Variants in PPP1R12B observed in about 807,000 individuals in gnomAD.
PPP1R12B encodes myosin phosphatase target subunit 2.
Under a neutral mutation model 126.1 loss-of-function variants are expected in PPP1R12B, and 76 were observed. The observed-to-expected ratio is 0.60, with a 90% CI of 0.50 to 0.73. PPP1R12B has a LOEUF of 0.73. Among genes scored for constraint, PPP1R12B ranks in the 30% least tolerant of loss-of-function variants. The pLI, the probability that PPP1R12B is intolerant of heterozygous loss-of-function variation, is 0.00. For missense variants in PPP1R12B, 1,052 were observed against 1,205.1 expected (o/e 0.87, Z 1.88); for synonymous variants, 356 against 434.7 (o/e 0.82, Z 2.25).
At chr1:202,512,553 A>G (rs1681650148) in intron 18 of PPP1R12B, among the ~76,000 whole-genome samples, 1 of 152,172 alleles carries the variant, frequency 6.6e-6, no homozygotes, top group African/African-American at 2.4e-5. Flanking sequence ...TGAGCTCTGA[A>G]AGTTCTTTAA....
rs537026371 is a variant in PPP1R12B, at chr1:202,499,334, G to A, written c.2490+2512G>A. Among the ~76,000 whole-genome samples the A allele has an allele frequency of 1.1e-3, 165 of 152,026 alleles. 1 individual carries two copies. The highest frequency in any genetic ancestry group is 3.4e-3 in the Middle Eastern group (1 of 294). ...CAGTGATGTAGTCATGGCTCACTGC[G>A]GCCTCAACCTCCCAGGCTCAAGTGA... is the stretch of plus-strand genomic sequence containing the variant. On this transcript the variant is annotated intron_variant, in intron 18 of 23. Transcript: ENST00000608999.
chr1:202,410,252 T>G (rs750776009), intron 1 of PPP1R12B: 24 of 152,230 alleles, frequency 1.6e-4, no homozygotes, highest in Non-Finnish European at 3.1e-4. Context: ...GACTGCCTTT[T>G]TACTCTTTTG....
chr1:202,446,482 A>G (rs992360659), intron 12 of PPP1R12B, among the ~76,000 whole-genome samples: 4 of 148,582 alleles, frequency 2.7e-5, no homozygotes, highest in Non-Finnish European at 4.5e-5. Flanking sequence ...GATGATCTCT[A>G]TCTCCTGACC....
intron 1 of PPP1R12B, among the ~76,000 whole-genome samples, chr1:202,353,861 C>A (rs562364507): frequency 2.1e-4 from 32 of 152,172 alleles, no homozygotes; most frequent in African/African-American, 5.8e-4. Context: ...AATCCTCCCC[C>A]CTCGGCCTCC....
intron 18 of PPP1R12B, chr1:202,502,938 C>A (rs6427950): frequency 0.43 from 65,930 of 151,942 alleles, 15,652 homozygotes; most frequent in East Asian, 0.71. Flanking sequence ...AATGTGCAAG[C>A]AGGCCAAATG....
In PPP1R12B at chr1:202,582,362, ACT is replaced by A. The variant is rs1283243884; in HGVS notation, c.*1803_*1804del. The A allele has an allele frequency of 6.6e-6, 1 of 152,666 alleles. No homozygotes were observed. The highest frequency in any genetic ancestry group is 2.4e-5 in the African/African-American group (1 of 41,462). 9.5% of individuals were successfully genotyped at this position (152,666 alleles called of 1,614,324 possible). On this transcript the variant is annotated 3_prime_UTR_variant, in exon 24 of 24. Transcript: ENST00000608999. ...TTCTTGATGATAACCTAGCATTAAT[ACT>A]TACAGTATTTTCTTTTTGTAGGAGT...
At chr1:202,504,371 C>T (rs1431373169) in intron 18 of PPP1R12B, among the ~76,000 whole-genome samples, 1 of 152,052 alleles carries the variant, frequency 6.6e-6, no homozygotes, top group Non-Finnish European at 1.5e-5. Context: ...TCAGTCTGGG[C>T]AACAGAGCGA....
At chr1:202,446,248 A>ATT (rs1684193784) in intron 12 of PPP1R12B, among the ~76,000 whole-genome samples, 1 of 60,686 alleles carries the variant, frequency 1.6e-5, no homozygotes, top group African/African-American at 8.8e-5. Context: ...ATATATATAT[A>ATT]TATATATATT....
At chr1:202,413,948 C>T (rs1226232584) in intron 1 of PPP1R12B, among the ~76,000 whole-genome samples, 1 of 151,598 alleles carries the variant, frequency 6.6e-6, no homozygotes, top group Non-Finnish European at 1.5e-5. Context: ...TTTTTTGAGA[C>T]ACAGTCTCTG....
Position 202,588,872 on chromosome 1 carries a change from T to TAGATAGATAGATAGATAGATAGATA in PPP1R12B, c.*8313_*8314insGATAGATAGATAGATAGATAGATAA, listed in dbSNP as rs111697917. 1 of 147,078 alleles carries TAGATAGATAGATAGATAGATAGATA rather than the reference T, an allele frequency of 6.8e-6. No homozygotes were observed. The highest frequency in any genetic ancestry group is 6.6e-5 in the Admixed American group (1 of 15,040). The allele number at this position is 147,078 out of a possible 1,614,324, so 9.1% of individuals were successfully genotyped here. A position where few individuals can be genotyped will look rare whatever the true frequency, so the allele number is the denominator to read the frequency against. The stretch of plus-strand genomic sequence containing the variant: ...ATAGATAGATAGATAGATAGATAGA[T>TAGATAGATAGATAGATAGATAGATA]ATCAAGGTTCCAAGCTTCAAGTAAC... On this transcript the variant is annotated 3_prime_UTR_variant, in exon 24 of 24. Coordinates refer to ENST00000608999, the MANE Select transcript of PPP1R12B (RefSeq NM_002481.4).
intron 1 of PPP1R12B, among the ~76,000 whole-genome samples, chr1:202,384,199 G>A (rs1662776163): frequency 6.6e-6 from 1 of 152,142 alleles, no homozygotes; most frequent in Admixed American, 6.5e-5. Flanking sequence ...CTGCTCCCAG[G>A]TATATATTCA....
At position 202,588,570 on chromosome 1, in the gene PPP1R12B, T is replaced by G. The variant is rs980170807; in HGVS notation, c.*8010T>G. Reference sequence around the variant, plus strand: ...TAAATAAAACTGTGTTTTAACTTTGTGACTGTCTCCACAGTTCAGAGCATG... The same window carrying G: ...TAAATAAAACTGTGTTTTAACTTTGGGACTGTCTCCACAGTTCAGAGCATG... On this transcript the variant is annotated 3_prime_UTR_variant, in exon 24 of 24. Coordinates refer to ENST00000608999, the MANE Select transcript of PPP1R12B (RefSeq NM_002481.4). The G allele has an allele frequency of 6.6e-6, 1 of 152,626 alleles. No individual in the cohort carries two copies. The highest frequency in any genetic ancestry group is 2.4e-5 in the African/African-American group (1 of 41,422). 9.5% of individuals were successfully genotyped at this position (152,626 alleles called of 1,614,324 possible).
At chr1:202,579,841 T>C (rs1476985048) in intron 23 of PPP1R12B, among the ~76,000 whole-genome samples, 2 of 152,156 alleles carry the variant, frequency 1.3e-5, no homozygotes, top group African/African-American at 4.8e-5. Flanking sequence ...GCCTCACAGC[T>C]CTGTGAGTGT....
chr1:202,435,093 C>T (rs1247072093), intron 9 of PPP1R12B, among the ~76,000 whole-genome samples: 1 of 152,104 alleles, frequency 6.6e-6, no homozygotes, highest in African/African-American at 2.4e-5. Context: ...TCTTTCTCTT[C>T]TTATAAGGTA....
intron 13 of PPP1R12B, among the ~76,000 whole-genome samples, chr1:202,452,222 G>A (rs1231434420): frequency 1.3e-5 from 2 of 152,114 alleles, no homozygotes; most frequent in Non-Finnish European, 2.9e-5. Context: ...AGGTTGTAGC[G>A]AGCCGAGATC....
intron 1 of PPP1R12B, among the ~76,000 whole-genome samples, chr1:202,409,295 A>G (rs910358968): frequency 6.6e-6 from 1 of 150,618 alleles, no homozygotes; most frequent in African/African-American, 2.4e-5. Context: ...TCCCCTGAGC[A>G]GTGCACAAGG....
At chr1:202,473,508 G>A (rs1281929338) in intron 13 of PPP1R12B, among the ~76,000 whole-genome samples, 1 of 152,192 alleles carries the variant, frequency 6.6e-6, no homozygotes, top group Non-Finnish European at 1.5e-5. Flanking sequence ...GTAGCTCAAG[G>A]GCAGATGAAA....
Position 202,417,391 on chromosome 1 carries a change from A to G in PPP1R12B, c.422+474A>G, listed in dbSNP as rs1007397687. On this transcript the variant is annotated intron_variant, in intron 2 of 23. Transcript: ENST00000608999. ...CAGAAGAATGAGCCTAAACATGTGGAACAAAGGAAAGGTGGGCACTGGCAT... is the reference window on the plus strand; with the variant it reads ...CAGAAGAATGAGCCTAAACATGTGGGACAAAGGAAAGGTGGGCACTGGCAT... 6 of 985,286 alleles carry G rather than the reference A, an allele frequency of 6.1e-6. No individual in the cohort carries two copies. The African/African-American group carries it at 7.0e-5, about 11-fold the overall frequency. 61.0% of individuals were successfully genotyped at this position (985,286 alleles called of 1,614,324 possible). A position where few individuals can be genotyped will look rare whatever the true frequency, so the allele number is the denominator to read the frequency against.
chr1:202,575,342 TGAGA>T, intron 23 of PPP1R12B: 1 of 661,894 alleles, frequency 1.5e-6, no homozygotes, highest in South Asian at 3.0e-5. Flanking sequence ...AGGGAGGCAG[TGAGA>T]GAGACCTCAG....
Sources: allele counts gnomAD v4.1 joint callset (sites outside exome capture counted in the v4.1 genomes callset), GRCh38; gene constraint gnomAD v4.1.1; transcripts MANE v1.5; gene names NCBI Gene and HGNC (gene_info 2026-07-23, HGNC 2026-07-21).